The following CACNA1E variants were observed in gnomAD, a reference collection of about 807,000 sequenced individuals.
CACNA1E encodes the protein voltage-dependent R-type calcium channel subunit alpha-1E.
Under a neutral mutation model 259.2 loss-of-function variants are expected in CACNA1E, and 40 were observed. The observed-to-expected ratio is 0.15, with a 90% CI of 0.12 to 0.20. The LOEUF is 0.20. Ranked by LOEUF, CACNA1E falls within the 10% of genes least tolerant of loss-of-function variation. The pLI is 1.00. For synonymous variants in CACNA1E, 1,104 were observed against 1,138.5 expected (o/e 0.97, Z 0.61); for missense variants, 1,874 against 3,040.1 (o/e 0.62, Z 9.02).
rs138138570 is a variant in CACNA1E at position 181,508,068 on chromosome 1, C to T, written c.267-2409C>T. Among the ~76,000 whole-genome samples, 11 of 151,700 alleles carry T rather than the reference C, an allele frequency of 7.3e-5. No homozygotes were observed. In the East Asian group the frequency reaches 7.7e-4, roughly 11 times the overall value. ...TGCCCAGGTATGTTCCTGGGAACAC[C>T]GTTCAAAAGAGATGCTCTGAAAAAA... On this transcript the variant is annotated intron_variant, in intron 1 of 47. Coordinates refer to ENST00000367573, the MANE Select transcript of CACNA1E (RefSeq NM_001205293.3).
At position 181,582,173 on chromosome 1, in the gene CACNA1E, A is replaced by G. The variant is rs577759475; in HGVS notation, c.951+1397A>G. Among the ~76,000 whole-genome samples the G allele has an allele frequency of 7.2e-5, 11 of 152,344 alleles. No individual in the cohort carries two copies. The East Asian group carries it at 2.1e-3, about 29-fold the overall frequency. ...GCTTTGCAGAAAAGAGTCACTGGCT[A>G]TTATGCTAAAGCTCTAAAGGGCAGT... is the stretch of plus-strand genomic sequence containing the variant. On this transcript the variant is annotated intron_variant, in intron 6 of 47. Coordinates refer to ENST00000367573, the MANE Select transcript of CACNA1E (RefSeq NM_001205293.3).
rs1659042064 is a variant in CACNA1E at position 181,766,548 on chromosome 1, C to T, written c.4818C>T (p.Ala1606=). 1 of 1,611,938 alleles carries T rather than the reference C, an allele frequency of 6.2e-7. No individual in the cohort carries two copies. Among genetic ancestry groups the T allele is most frequent in the Admixed American group, 1.7e-5 (1 of 60,000 alleles). The part of the protein sequence containing the change: ...LLWTFVQSFK[A]LPYVCLLIAM... ...TCTTATCTCTGCTTTCCTTCCAGGC[C>T]CTCCCTTATGTCTGCCTTTTAATTG... The change falls in exon 35 of 48, where the codon GCC becomes GCT. Residue 1606 remains alanine (A), a splice_region_variant and synonymous_variant. Coordinates refer to ENST00000367573, the MANE Select transcript of CACNA1E (RefSeq NM_001205293.3).
chr1:181,564,061 G>C (rs533333544), intron 3 of CACNA1E, among the ~76,000 whole-genome samples: 15 of 152,174 alleles, frequency 9.9e-5, no homozygotes, highest in Non-Finnish European at 1.8e-4. Context: ...GATCTTACCT[G>C]GATGTTAATA....
At position 181,747,138 on chromosome 1, in the gene CACNA1E, A is replaced by C. The variant is rs74998545; in HGVS notation, c.3720-3338A>C. Among the ~76,000 whole-genome samples the C allele has an allele frequency of 8.5e-3, 1,218 of 142,866 alleles. 10 individuals carry two copies. The highest frequency in any genetic ancestry group is 0.027 in the Admixed American group (377 of 14,218). 93.7% of individuals were successfully genotyped at this position (142,866 alleles called of 152,430 possible). On this transcript the variant is annotated intron_variant, in intron 25 of 47. Coordinates refer to ENST00000367573, the MANE Select transcript of CACNA1E (RefSeq NM_001205293.3). Reference sequence around the variant, plus strand: ...ACCTTTCACTCCTGCGAGCCTGGCCATTCCCTGAGGCAAGAGATTCCTTCA... The same window carrying C: ...ACCTTTCACTCCTGCGAGCCTGGCCCTTCCCTGAGGCAAGAGATTCCTTCA...
intron 47 of CACNA1E, among the ~76,000 whole-genome samples, chr1:181,797,440 C>A (rs1661912467): frequency 6.6e-6 from 1 of 152,170 alleles, no homozygotes. Context: ...TAGGAGACCC[C>A]CTCAACAGAA....
At chr1:181,616,009 A>G (rs1655172827) in intron 6 of CACNA1E, among the ~76,000 whole-genome samples, 1 of 152,162 alleles carries the variant, frequency 6.6e-6, no homozygotes, top group African/African-American at 2.4e-5. Context: ...TTCCTCCTAT[A>G]TTCTTTTAAT....
At chr1:181,771,232 G>A in intron 35 of CACNA1E, 61 bp from the exon 36 acceptor site, 2 of 958,906 alleles carry the variant, frequency 2.1e-6, no homozygotes, top group Non-Finnish European at 3.3e-6. Context: ...CAACCCTCAT[G>A]TGCTGGACAC....
At chr1:181,320,116 T>A (rs780369637) in intron 1 of CACNA1E, among the ~76,000 whole-genome samples, 1 of 152,190 alleles carries the variant, frequency 6.6e-6, no homozygotes, top group Non-Finnish European at 1.5e-5. Context: ...GATGGTAGCA[T>A]GATATACAGT....
chr1:181,517,968 G>T (rs1283719708), intron 3 of CACNA1E, among the ~76,000 whole-genome samples: 1 of 152,128 alleles, frequency 6.6e-6, no homozygotes, highest in African/African-American at 2.4e-5. Flanking sequence ...TATGATATCA[G>T]TGGGTATTTA....
At chr1:181,797,662 G>A (rs1306736636) in intron 47 of CACNA1E, among the ~76,000 whole-genome samples, 7 of 152,150 alleles carry the variant, frequency 4.6e-5, no homozygotes, top group South Asian at 2.1e-4. Context: ...CAGGAGGTTC[G>A]TAGGTCACAC....
chr1:181,800,095 A>G lies in CACNA1E; in HGVS notation c.*1261A>G, dbSNP rs1662163485. 1 of 152,752 alleles carries G rather than the reference A, an allele frequency of 6.5e-6. No homozygotes were observed. Among genetic ancestry groups the G allele is most frequent in the Non-Finnish European group, 1.5e-5 (1 of 68,122 alleles). 9.5% of individuals were successfully genotyped at this position (152,752 alleles called of 1,614,324 possible). ...GAAATAAGCTTCTGTGAAAGTCTGGATTTACTGAGGACCTCCCCTGAGGAG... is the reference window on the plus strand; with the variant it reads ...GAAATAAGCTTCTGTGAAAGTCTGGGTTTACTGAGGACCTCCCCTGAGGAG... On this transcript the variant is annotated 3_prime_UTR_variant, in exon 48 of 48. Transcript: ENST00000367573.
Position 181,579,091 on chromosome 1 carries a change from G to A in CACNA1E, c.636G>A (p.Lys212=), listed in dbSNP as rs760987341. ...TTCTAGGCCTGCAGATTGTGTTGAA[G>A]TCCATCATGAAGGCCATGGTACCTC... ...SGIPSLQIVL[K]SIMKAMVPLL... is the part of the protein sequence containing the mutation. Residue 212 remains lysine, a synonymous_variant, in exon 5 of 48, where the codon AAG becomes AAA. Coordinates refer to ENST00000367573, the MANE Select transcript of CACNA1E (RefSeq NM_001205293.3). 1.2e-6 allele frequency: 2 copies of A among 1,611,950 alleles called. No homozygotes were observed. The highest frequency in any genetic ancestry group is 3.3e-5 in the Admixed American group (2 of 59,736).
intron 3 of CACNA1E, among the ~76,000 whole-genome samples, chr1:181,529,251 G>A (rs1195203885): frequency 9.5e-6 from 1 of 105,508 alleles, no homozygotes; most frequent in Non-Finnish European, 2.0e-5. Context: ...TTGAGTCTGA[G>A]GTGCACAGAA....
intron 11 of CACNA1E, among the ~76,000 whole-genome samples, chr1:181,717,529 A>G (rs1045062609): frequency 1.7e-4 from 26 of 152,284 alleles, no homozygotes; most frequent in African/African-American, 6.0e-4. Flanking sequence ...AAGATAGCAT[A>G]ACGTTATACC....
At chr1:181,487,204 T>C (rs1663905865) in intron 1 of CACNA1E, among the ~76,000 whole-genome samples, 1 of 152,218 alleles carries the variant, frequency 6.6e-6, no homozygotes, top group Non-Finnish European at 1.5e-5. Context: ...AGGGGGATAA[T>C]GTACACTTCT....
At chr1:181,378,916 A>C (rs1341001338) in intron 1 of CACNA1E, among the ~76,000 whole-genome samples, 1 of 152,274 alleles carries the variant, frequency 6.6e-6, no homozygotes. Context: ...TTTATGGGGA[A>C]ACAATTTCCA....
intron 2 of CACNA1E, among the ~76,000 whole-genome samples, chr1:181,439,639 G>T (rs1049375235): frequency 6.6e-6 from 1 of 152,084 alleles, no homozygotes. Context: ...AGTCTTTTTG[G>T]TGTATGTGCG....
chr1:181,661,199 T>C (rs1023426239), intron 7 of CACNA1E, among the ~76,000 whole-genome samples: 2 of 152,118 alleles, frequency 1.3e-5, no homozygotes, highest in African/African-American at 4.8e-5. Flanking sequence ...TTCCAGAAGC[T>C]TGTGGGAGGT....
chr1:181,514,012 C>T (rs548988374), intron 3 of CACNA1E, among the ~76,000 whole-genome samples: 48 of 152,316 alleles, frequency 3.2e-4, no homozygotes, highest in Admixed American at 5.2e-4. Flanking sequence ...CAGCATGGAC[C>T]GTTCCCTTTC....
Sources: gnomAD v4.1 joint callset for allele counts (sites outside exome capture counted in the v4.1 genomes callset) on GRCh38, gnomAD v4.1.1 for gene constraint, MANE v1.5 for transcripts, NCBI Gene and HGNC (gene_info 2026-07-23, HGNC 2026-07-21) for gene names.